The following FARS2 variants were observed in gnomAD, a reference collection of about 807,000 sequenced individuals.
FARS2 encodes phenylalanine--tRNA ligase, mitochondrial.
A neutral mutation model predicts 46.4 loss-of-function variants in FARS2; 40 were observed. The observed-to-expected ratio is 0.86, with a 90% CI of 0.67 to 1.12. The LOEUF (loss-of-function observed/expected upper bound fraction) is 1.12. Among genes scored for constraint, FARS2 ranks in the 50% most tolerant of loss-of-function variants. The probability of loss-of-function intolerance (pLI) is 0.00; values close to 1 mark genes in which losing one functional copy is unlikely to be tolerated. For missense variants in FARS2, 513 were observed against 567.9 expected (o/e 0.90, Z 0.98); for synonymous variants, 234 against 214.9 (o/e 1.09, Z -0.78).
At chr6:5,523,614 T>A (rs1307632909) in intron 4 of FARS2, among the ~76,000 whole-genome samples, 1 of 152,142 alleles carries the variant, frequency 6.6e-6, no homozygotes, top group Non-Finnish European at 1.5e-5. Context: ...CATCAGACCT[T>A]ATGCATAGGG....
In FARS2 at chr6:5,371,159, T is replaced by C. The variant is rs895214377; in HGVS notation, c.612+1977T>C. ...CCTGCTTATGACCCAAAGGGGAGTTTTGGTTCCAAGAATGCTATGGAGAGT... is the reference window on the plus strand; with the variant it reads ...CCTGCTTATGACCCAAAGGGGAGTTCTGGTTCCAAGAATGCTATGGAGAGT... On this transcript the variant is annotated intron_variant, in intron 2 of 6. Transcript: ENST00000274680. 6.1e-6 allele frequency: 6 copies of C among 984,100 alleles called. No homozygotes were observed. The African/African-American group carries it at 1.0e-4, about 17-fold the overall frequency. The allele number at this position is 984,100 out of a possible 1,614,324, so 61.0% of individuals were successfully genotyped here.
At chr6:5,490,931 A>T (rs1767069241) in intron 4 of FARS2, among the ~76,000 whole-genome samples, 1 of 152,222 alleles carries the variant, frequency 6.6e-6, no homozygotes, top group African/African-American at 2.4e-5. Context: ...AGACCTGGAA[A>T]GCTACTCAAG....
chr6:5,625,674 G>A (rs1775995743), intron 6 of FARS2, among the ~76,000 whole-genome samples: 1 of 152,214 alleles, frequency 6.6e-6, no homozygotes, highest in Admixed American at 6.5e-5. Flanking sequence ...ATAAGGCTTA[G>A]GGGGACAGCG....
chr6:5,339,433 CT>C (rs879580170), intron 1 of FARS2, among the ~76,000 whole-genome samples: 180 of 144,300 alleles, frequency 1.2e-3, no homozygotes, highest in Non-Finnish European at 1.2e-3. Context: ...CAGGAGACTT[CT>C]TTTTTTTTTT....
chr6:5,610,401 G>A (rs1307970465), intron 5 of FARS2, among the ~76,000 whole-genome samples: 2 of 151,472 alleles, frequency 1.3e-5, no homozygotes, highest in Admixed American at 6.6e-5. Context: ...CACATCTGTG[G>A]ATTCAGCCAA....
chr6:5,761,460 A>G (rs757304190), intron 6 of FARS2, among the ~76,000 whole-genome samples: 2 of 152,202 alleles, frequency 1.3e-5, no homozygotes, highest in Non-Finnish European at 2.9e-5. Context: ...ATAAATGCTG[A>G]TCAATTGCTT....
Position 5,675,909 on chromosome 6 carries a change from C to A in FARS2, c.1217+62589C>A, listed in dbSNP as rs79332636. 3.0e-3 allele frequency among the ~76,000 whole-genome samples: 451 copies of A among 152,254 alleles called. 3 individuals are homozygous for A. The highest frequency in any genetic ancestry group is 0.01 in the African/African-American group (428 of 41,538). On this transcript the variant is annotated intron_variant, in intron 6 of 6. Transcript: ENST00000274680. ...ATCACCTTTCCTACATATTGAACAA[C>A]GTCTCGGTCATAATCATGGCATATG... is the stretch of plus-strand genomic sequence containing the variant.
chr6:5,553,451 G>A (rs1326753679), intron 5 of FARS2, among the ~76,000 whole-genome samples: 3 of 152,262 alleles, frequency 2.0e-5, no homozygotes, highest in Non-Finnish European at 4.4e-5. Context: ...AGTGTTATAC[G>A]TGAGAAAGTT....
chr6:5,331,141 A>C (rs797128), intron 1 of FARS2, among the ~76,000 whole-genome samples: 57,493 of 150,652 alleles, frequency 0.38, 11,086 homozygotes, highest in African/African-American at 0.39. Context: ...GTCTTATTCT[A>C]CATATTTTTT....
intron 4 of FARS2, among the ~76,000 whole-genome samples, chr6:5,538,781 T>C (rs1770381701): frequency 2.0e-5 from 3 of 152,136 alleles, no homozygotes. Context: ...AAACAAAATG[T>C]TTTAAAGGTA....
intron 6 of FARS2, among the ~76,000 whole-genome samples, chr6:5,616,276 C>G (rs1775477376): frequency 6.6e-6 from 1 of 152,070 alleles, no homozygotes; most frequent in African/African-American, 2.4e-5. Flanking sequence ...CAGCCCTGGA[C>G]TTTTATGTGA....
chr6:5,346,137 G>A (rs1366839992), intron 1 of FARS2, among the ~76,000 whole-genome samples: 2 of 152,036 alleles, frequency 1.3e-5, no homozygotes, highest in African/African-American at 4.8e-5. Flanking sequence ...TTTCTCATCC[G>A]TAAAGTCAAG....
intron 2 of FARS2, among the ~76,000 whole-genome samples, chr6:5,392,796 A>G: frequency 7.2e-6 from 1 of 139,136 alleles, no homozygotes; most frequent in East Asian, 2.0e-4. Flanking sequence ...GTATATATAC[A>G]TATATGTATG....
chr6:5,552,572 T>C (rs544650712), intron 5 of FARS2, among the ~76,000 whole-genome samples: 2 of 152,352 alleles, frequency 1.3e-5, no homozygotes, highest in South Asian at 4.1e-4. Flanking sequence ...CAGTCTCTGA[T>C]TGATGGGACC....
intron 5 of FARS2, among the ~76,000 whole-genome samples, chr6:5,565,223 A>C (rs909173926): frequency 6.6e-6 from 1 of 152,230 alleles, no homozygotes; most frequent in African/African-American, 2.4e-5. Context: ...ACTTTCCTTG[A>C]TGCTGAAAAT....
Position 5,399,040 on chromosome 6 carries a change from G to A in FARS2, c.613-5502G>A, listed in dbSNP as rs991322966. ...TCTTCTCCACTCTCTTTAAGTGGCT[G>A]TCATTTATTTAGAATAAACTTCTGT... On this transcript the variant is annotated intron_variant, in intron 2 of 6. Transcript: ENST00000274680. Among the ~76,000 whole-genome samples, 32 of 151,478 alleles carry A rather than the reference G, an allele frequency of 2.1e-4. 1 individual carries two copies. Among genetic ancestry groups the A allele is most frequent in the African/African-American group, 6.0e-4 (25 of 41,392 alleles).
chr6:5,639,978 G>T (rs765491581), intron 6 of FARS2, among the ~76,000 whole-genome samples: 6 of 152,140 alleles, frequency 3.9e-5, no homozygotes, highest in Non-Finnish European at 8.8e-5. Context: ...GGTGGGTTTC[G>T]GAAAAACGTT....
At chr6:5,578,146 TA>T (rs1286927872) in intron 5 of FARS2, among the ~76,000 whole-genome samples, 1 of 152,176 alleles carries the variant, frequency 6.6e-6, no homozygotes, top group African/African-American at 2.4e-5. Context: ...AATGTGATAA[TA>T]TTTCCATTTC....
intron 4 of FARS2, among the ~76,000 whole-genome samples, chr6:5,501,679 G>A (rs1767808595): frequency 6.6e-6 from 1 of 151,982 alleles, no homozygotes; most frequent in Non-Finnish European, 1.5e-5. Context: ...ATTTTTAGTA[G>A]AGATGGGGTT....
Sources: allele counts gnomAD v4.1 joint callset (sites outside exome capture counted in the v4.1 genomes callset), GRCh38; gene constraint gnomAD v4.1.1; transcripts MANE v1.5; gene names NCBI Gene and HGNC (gene_info 2026-07-23, HGNC 2026-07-21).